Variants in KRT81 observed in about 807,000 individuals in gnomAD.
KRT81 encodes the protein keratin 81.
KRT81 carries 35 observed loss-of-function variants against 35.8 expected under a neutral mutation model. The ratio of observed to expected loss-of-function variants is 0.98; its 90% CI spans 0.75 to 1.30. The LOEUF (loss-of-function observed/expected upper bound fraction) is 1.30, where lower values mean the gene tolerates loss of function less well. Among genes scored for constraint, KRT81 ranks in the 50% most tolerant of loss-of-function variants. KRT81 has a pLI of 0.00. For missense variants in KRT81, 531 were observed against 577.4 expected (o/e 0.92, Z 0.82); for synonymous variants, 249 against 251.2 (o/e 0.99, Z 0.08).
Position 52,286,037 on chromosome 12 carries a change from G to A in KRT81, c.*218C>T, listed in dbSNP as rs1235146263. ...CCTGCTCCTGAGGCCCCTTCCTATG[G>A]GTGCCAGCGGACTTCTTTCTAGGGT... On this transcript the variant is annotated 3_prime_UTR_variant, in exon 9 of 9. Transcript: ENST00000327741. 2 of 586,748 alleles carry A rather than the reference G, an allele frequency of 3.4e-6. No homozygotes were observed. The highest frequency in any genetic ancestry group is 2.0e-5 in the South Asian group (1 of 49,886). 36.3% of individuals were successfully genotyped at this position (586,748 alleles called of 1,614,324 possible). A position where few individuals can be genotyped will look rare whatever the true frequency, so the allele number is the denominator to read the frequency against.
rs144716678 is a variant in KRT81, at chr12:52,288,022, G to T, written c.862C>A (p.Arg288Ser). 2 of 1,614,058 alleles carry T rather than the reference G, an allele frequency of 1.2e-6. No homozygotes were observed. The highest frequency in any genetic ancestry group is 1.3e-5 in the African/African-American group (1 of 74,920). ...IKAQYDDIVTRSRAEAESWYR... is the reference protein window; with the variant it reads ...IKAQYDDIVTSSRAEAESWYR... ...CAGGACTCGGCCTCGGCCCGGCTGCGGGTGACAATGTCGTCATACTGTGCC... is the reference window on the plus strand; with the variant it reads ...CAGGACTCGGCCTCGGCCCGGCTGCTGGTGACAATGTCGTCATACTGTGCC... The change falls in exon 5 of 9, where the codon CGC becomes AGC. Residue 288 changes from arginine (R) to serine (S), a missense_variant. Arg to Ser is a moderately radical substitution (Grantham distance 110, BLOSUM62 -1). This residue lies in a region of KRT81 where 194 missense variants were observed against 198.2 expected (regional missense o/e 0.98). Transcript: ENST00000327741.
At chr12:52,288,274 C>A in intron 4 of KRT81, 87 bp downstream of exon 4, 2 of 1,604,812 alleles carry the variant, frequency 1.2e-6, no homozygotes, top group Non-Finnish European at 1.7e-6. Flanking sequence ...GGGACTGCAA[C>A]CTCTACCCAC....
intron 4 of KRT81, 59 bp downstream of exon 4, chr12:52,288,302 C>T: frequency 1.2e-6 from 2 of 1,610,814 alleles, no homozygotes; most frequent in Non-Finnish European, 1.7e-6. Context: ...CCAACACTCC[C>T]ACCCCCAACT....
In KRT81 at chr12:52,286,740, T is replaced by A. The variant is rs1592422138; in HGVS notation, c.1279+51A>T. On this transcript the variant is annotated intron_variant, in intron 8 of 8. Coordinates refer to ENST00000327741, the MANE Select transcript of KRT81 (RefSeq NM_002281.4). ...ACACTCCTTTTTCCAAACTCTGCCCTCCATCACAGGTAGTTAGTAAATCTG... is the reference window on the plus strand; with the variant it reads ...ACACTCCTTTTTCCAAACTCTGCCCACCATCACAGGTAGTTAGTAAATCTG... 6.3e-6 allele frequency: 10 copies of A among 1,580,596 alleles called. No homozygotes were observed. The East Asian group carries it at 1.8e-4, about 28-fold the overall frequency.
intron 5 of KRT81, 60 bp downstream of exon 5, chr12:52,287,924 T>A (rs1393181079): frequency 1.2e-5 from 20 of 1,613,482 alleles, no homozygotes; most frequent in Non-Finnish European, 3.4e-6. Context: ...GCCTATTTAA[T>A]AGATATCTCA....
At position 52,286,064 on chromosome 12, in the gene KRT81, G is replaced by A. The variant is rs1484068075; in HGVS notation, c.*191C>T. ...TGCCAGCGGACTTCTTTCTAGGGTG[G>A]CCTTTCCCACTGTGGGGTGGCAGAG... is the stretch of plus-strand genomic sequence containing the variant. On this transcript the variant is annotated 3_prime_UTR_variant, in exon 9 of 9. Coordinates refer to ENST00000327741, the MANE Select transcript of KRT81 (RefSeq NM_002281.4). 1.6e-6 allele frequency: 1 copy of A among 620,556 alleles called. No homozygotes were observed. The highest frequency in any genetic ancestry group is 2.9e-6 in the Non-Finnish European group (1 of 350,796). 38.4% of individuals were successfully genotyped at this position (620,556 alleles called of 1,614,324 possible).
rs192117741 is a variant in KRT81, at chr12:52,286,119, G to T, written c.*136C>A. 321 of 767,598 alleles carry T rather than the reference G, an allele frequency of 4.2e-4. 2 individuals carry two copies. The African/African-American group carries it at 4.8e-3, about 12-fold the overall frequency. 47.5% of individuals were successfully genotyped at this position (767,598 alleles called of 1,614,324 possible). ...GAAGTGGGGGATCACACAGAGAAATGTGAGGCCAGGAGTGGGAGGGGTCTT... is the reference window on the plus strand; with the variant it reads ...GAAGTGGGGGATCACACAGAGAAATTTGAGGCCAGGAGTGGGAGGGGTCTT... On this transcript the variant is annotated 3_prime_UTR_variant, in exon 9 of 9. Coordinates refer to ENST00000327741, the MANE Select transcript of KRT81 (RefSeq NM_002281.4).
In KRT81 at chr12:52,291,340, G is replaced by A. The variant is rs1938113863; in HGVS notation, c.126C>T (p.Thr42=). Reference sequence around the variant, plus strand: ...ACACGCTGTGGCTGCCGAAGCCCCCGGTGAGGCCGCGGTAGCAGGAGATGC... The same window carrying A: ...ACACGCTGTGGCTGCCGAAGCCCCCAGTGAGGCCGCGGTAGCAGGAGATGC... ...YRGISCYRGL[T]GGFGSHSVCG... is the part of the protein sequence containing the mutation. The change falls in exon 1 of 9, where the codon ACC becomes ACT. Residue 42 remains threonine, a synonymous_variant. Transcript: ENST00000327741. 10 of 1,571,700 alleles carry A rather than the reference G, an allele frequency of 6.4e-6. No individual in the cohort carries two copies. The highest frequency in any genetic ancestry group is 1.4e-5 in the African/African-American group (1 of 74,038).
chr12:52,287,688 C>T lies in KRT81; in HGVS notation c.934G>A (p.Gly312Arg), dbSNP rs573645133. 1.1e-4 allele frequency: 178 copies of T among 1,613,934 alleles called. 2 individuals are homozygous for T. The South Asian group carries it at 1.7e-3, about 15-fold the overall frequency. The change falls in exon 6 of 9, where the codon GGG (glycine) becomes AGG (arginine). Residue 312 changes from glycine to arginine, a missense_variant. Physicochemically the swap from Gly to Arg is moderately radical, Grantham distance 125. This residue lies in a region of KRT81 where 194 missense variants were observed against 198.2 expected (regional missense o/e 0.98). Coordinates refer to ENST00000327741, the MANE Select transcript of KRT81 (RefSeq NM_002281.4). ...EEMKATVIRH[G>R]ETLRRTKEEI... is the part of the protein sequence containing the mutation. Reference sequence around the variant, plus strand: ...TCCTTGGTGCGGCGCAGGGTCTCCCCGTGCCTGATCACCGTGGCCTTCATC... The same window carrying T: ...TCCTTGGTGCGGCGCAGGGTCTCCCTGTGCCTGATCACCGTGGCCTTCATC...
At chr12:52,291,048 G>T in intron 1 of KRT81, 49 bp downstream of exon 1, 1 of 494,090 alleles carries the variant, frequency 2.0e-6, no homozygotes, top group South Asian at 2.1e-5. Flanking sequence ...CCCGGCCCTG[G>T]CTGTGTAGGT....
chr12:52,291,427 G>A lies in KRT81; in HGVS notation c.39C>T (p.Ser13=). Residue 13 remains serine, a synonymous_variant, in exon 1 of 9, where the codon AGC becomes AGT. Coordinates refer to ENST00000327741, the MANE Select transcript of KRT81 (RefSeq NM_002281.4). ...GCCGCGGCCCGCAGGCCGAGATGCAGCTGAAGGCGCGCCCACCAAATCCTG... is the reference window on the plus strand; with the variant it reads ...GCCGCGGCCCGCAGGCCGAGATGCAACTGAAGGCGCGCCCACCAAATCCTG... ...CGSGFGGRAF[S]CISACGPRPG... 1 of 1,612,402 alleles carries A rather than the reference G, an allele frequency of 6.2e-7. No homozygotes were observed. Among genetic ancestry groups the A allele is most frequent in the Non-Finnish European group, 8.5e-7 (1 of 1,179,452 alleles).
Position 52,287,305 on chromosome 12 carries a change from G to T in KRT81, c.1044C>A (p.Ala348=). ...NAKCQNSKLE[A]AVAQSEQQGE... is the part of the protein sequence containing the mutation. ...CCTGCTGCTCAGACTGGGCCACCGC[G>T]GCCTCCAGCTTGGAGTTCTGAAGAG... Residue 348 remains alanine, a synonymous_variant, in exon 7 of 9, where the codon GCC becomes GCA. Coordinates refer to ENST00000327741, the MANE Select transcript of KRT81 (RefSeq NM_002281.4). 1 of 1,613,332 alleles carries T rather than the reference G, an allele frequency of 6.2e-7. No individual in the cohort carries two copies.
At position 52,287,146 on chromosome 12, in the gene KRT81, G is replaced by T; in HGVS notation, c.1203C>A (p.Ile401=). ...EVMNSKLGLD[I]EIATYRRLLE... The stretch of plus-strand genomic sequence containing the variant: ...GCAGGCGCCTGTAGGTGGCGATCTC[G>T]ATGTCCAGGCCCAGCTTGGAGTTCA... The change falls in exon 7 of 9, where the codon ATC becomes ATA. Residue 401 remains isoleucine, a synonymous_variant. Coordinates refer to ENST00000327741, the MANE Select transcript of KRT81 (RefSeq NM_002281.4). 1 of 1,613,450 alleles carries T rather than the reference G, an allele frequency of 6.2e-7. No individual in the cohort carries two copies. Among genetic ancestry groups the T allele is most frequent in the Non-Finnish European group, 8.5e-7 (1 of 1,179,994 alleles).
chr12:52,287,907 A>C, intron 5 of KRT81, 77 bp downstream of exon 5: 1 of 1,612,640 alleles, frequency 6.2e-7, no homozygotes, highest in South Asian at 1.1e-5. Flanking sequence ...CATCCCCAGA[A>C]AAGGAAGCCT....
intron 3 of KRT81, 28 bp from the exon 4 acceptor site, chr12:52,288,484 A>G (rs1938036845): frequency 6.2e-7 from 1 of 1,612,658 alleles, no homozygotes; most frequent in South Asian, 1.1e-5. Flanking sequence ...GTTGGAGCTC[A>G]AGGACCCTGG....
At chr12:52,287,017 C>A (rs1592422552) in intron 7 of KRT81, 85 bp downstream of exon 7, 2 of 1,607,812 alleles carry the variant, frequency 1.2e-6, no homozygotes, top group East Asian at 4.5e-5. Flanking sequence ...CCCCAGAGCC[C>A]TGGCCATTGC....
chr12:52,287,676 G>T lies in KRT81; in HGVS notation c.946C>A (p.Arg316Ser), dbSNP rs4761786. ...TCATTGATCTCCTCCTTGGTGCGGC[G>T]CAGGGTCTCCCCGTGCCTGATCACC... is the stretch of plus-strand genomic sequence containing the variant. Reference protein sequence around the residue: ...ATVIRHGETLRRTKEEINELN... With the variant: ...ATVIRHGETLSRTKEEINELN... The change falls in exon 6 of 9, where the codon CGC (arginine) becomes AGC (serine). Residue 316 changes from arginine (R) to serine (S), a missense_variant. Physicochemically the swap from Arg to Ser is moderately radical, Grantham distance 110 (BLOSUM62 -1). Coordinates refer to ENST00000327741, the MANE Select transcript of KRT81 (RefSeq NM_002281.4). 1.2e-5 allele frequency: 20 copies of T among 1,613,722 alleles called. No individual in the cohort carries two copies. In the Middle Eastern group the frequency reaches 4.9e-4, roughly 40 times the overall value.
At chr12:52,288,250 C>G (rs1002143505) in intron 4 of KRT81, 102 bp from the exon 5 acceptor site, 1 of 1,598,874 alleles carries the variant, frequency 6.3e-7, no homozygotes, top group Non-Finnish European at 8.6e-7. Flanking sequence ...ACCCTGCCCC[C>G]TCACACAGCC....
In KRT81 at chr12:52,288,519, T is replaced by A. The variant is rs1393548371; in HGVS notation, c.640-63A>T. The A allele has an allele frequency of 2.5e-6, 4 of 1,583,370 alleles. No homozygotes were observed. The African/African-American group carries it at 5.4e-5, about 21-fold the overall frequency. ...GTGATCCAGCCCCCAGACTCCTCTC[T>A]CTGCCCATCCATTCCATGTAGCCAG... On this transcript the variant is annotated intron_variant, in intron 3 of 8. Coordinates refer to ENST00000327741, the MANE Select transcript of KRT81 (RefSeq NM_002281.4).
Sources: allele counts gnomAD v4.1 joint callset, GRCh38; gene constraint gnomAD v4.1.1; regional missense constraint gnomAD v4.1.1; transcripts MANE v1.5; gene names NCBI Gene and HGNC (gene_info 2026-07-23, HGNC 2026-07-21).